TRIM16: variants seen among roughly 807,000 people sequenced by gnomAD.
TRIM16 encodes the protein tripartite motif-containing protein 16.
In TRIM16, 33 loss-of-function variants were observed where a neutral mutation model predicts 50.4. The ratio of observed to expected loss-of-function variants is 0.65; its 90% CI spans 0.50 to 0.88. The LOEUF is 0.88. Among genes scored for constraint, TRIM16 ranks in the 40% least tolerant of loss-of-function variants. TRIM16 has a pLI of 0.00. For synonymous variants in TRIM16, 229 were observed against 270.7 expected (o/e 0.85, Z 1.51); for missense variants, 581 against 686.8 (o/e 0.85, Z 1.72).
Position 15,628,987 on chromosome 17 carries a change from A to C in TRIM16, c.1323T>G (p.Tyr441Ter). The C allele has an allele frequency of 6.2e-7, 1 of 1,612,930 alleles. No individual in the cohort carries two copies. The highest frequency in any genetic ancestry group is 2.2e-5 in the East Asian group (1 of 44,778). The change falls in exon 12 of 12, where the codon TAT becomes TAG. Residue 441 changes from tyrosine (Y) to a stop codon, truncating the protein, a stop_gained. Coordinates refer to ENST00000649191, the MANE Select transcript of TRIM16 (RefSeq NM_001348119.1). LOFTEE classifies it high-confidence loss of function. ...FEVEIFGAGTYVGLTCKGIDR... is the reference protein window; with the variant it reads ...FEVEIFGAGT ...CGATGCCTTTGCAGGTCAGGCCAACATAGGTGCCTGCCCCGAAGATCTCCA... is the reference window on the plus strand; with the variant it reads ...CGATGCCTTTGCAGGTCAGGCCAACCTAGGTGCCTGCCCCGAAGATCTCCA...
chr17:15,666,064 T>C (rs1043205783), intron 6 of TRIM16, among the ~76,000 whole-genome samples: 7 of 152,146 alleles, frequency 4.6e-5, no homozygotes, highest in Non-Finnish European at 1.0e-4. Context: ...CCATTTTACA[T>C]CTCACACATC....
rs544750480 is a variant in TRIM16, at chr17:15,636,868, G to C, written c.616-599C>G. On this transcript the variant is annotated intron_variant, in intron 8 of 11. Coordinates refer to ENST00000649191, the MANE Select transcript of TRIM16 (RefSeq NM_001348119.1). ...TGTGACATTCAAATAAAATATAAAA[G>C]AAAACCCATGTGAGAAACATTAAGG... is the stretch of plus-strand genomic sequence containing the variant. Among the ~76,000 whole-genome samples the C allele has an allele frequency of 3.5e-4, 53 of 149,444 alleles. 6 individuals carry two copies. In the Middle Eastern group the frequency reaches 0.01, roughly 29 times the overall value.
intron 9 of TRIM16, among the ~76,000 whole-genome samples, chr17:15,635,358 T>C (rs1986681834): frequency 6.7e-6 from 1 of 149,008 alleles, no homozygotes; most frequent in Non-Finnish European, 1.5e-5. Flanking sequence ...TTACATGTTC[T>C]TTAGATCTCG....
chr17:15,657,363 A>G (rs1449827933), intron 6 of TRIM16, among the ~76,000 whole-genome samples: 1 of 152,136 alleles, frequency 6.6e-6, no homozygotes, highest in Non-Finnish European at 1.5e-5. Context: ...CCACCTCCCA[A>G]GTAGCTGGGA....
intron 6 of TRIM16, among the ~76,000 whole-genome samples, chr17:15,667,698 A>C (rs1287696219): frequency 6.6e-6 from 1 of 152,044 alleles, no homozygotes. Flanking sequence ...GGTAGATCAA[A>C]CTCTTTTTTA....
intron 8 of TRIM16, among the ~76,000 whole-genome samples, chr17:15,642,326 G>T (rs181580185): frequency 2.0e-5 from 3 of 149,272 alleles, no homozygotes; most frequent in African/African-American, 7.4e-5. Flanking sequence ...CCAGGTCATA[G>T]GACTGGTGAG....
At chr17:15,665,235 G>A (rs1158517857) in intron 6 of TRIM16, among the ~76,000 whole-genome samples, 4 of 152,136 alleles carry the variant, frequency 2.6e-5, no homozygotes, top group East Asian at 1.9e-4. Flanking sequence ...TGTAGAGGCC[G>A]GGCGCAGTGG....
At position 15,680,964 on chromosome 17, in the gene TRIM16, A is replaced by G. The variant is rs1989160153; in HGVS notation, c.-678-11T>C. The G allele has an allele frequency of 6.7e-7, 1 of 1,491,940 alleles. No individual in the cohort carries two copies. Among genetic ancestry groups the G allele is most frequent in the African/African-American group, 1.4e-5 (1 of 70,000 alleles). The allele number at this position is 1,491,940 out of a possible 1,614,324, so 92.4% of individuals were successfully genotyped here. On this transcript the variant is annotated splice_polypyrimidine_tract_variant and intron_variant, in intron 3 of 11. Coordinates refer to ENST00000649191, the MANE Select transcript of TRIM16 (RefSeq NM_001348119.1). The stretch of plus-strand genomic sequence containing the variant: ...CCTCAGAGGGCAGAACTGGAAGGAA[A>G]TTGACATAAAGGAACCTGGTTTATC...
At chr17:15,682,331 T>C (rs1989215247) in intron 3 of TRIM16, among the ~76,000 whole-genome samples, 2 of 152,354 alleles carry the variant, frequency 1.3e-5, no homozygotes, top group Admixed American at 6.5e-5. Context: ...CTCCCTGTAC[T>C]GGACACTGAC....
chr17:15,674,196 C>A (rs1988831554), intron 6 of TRIM16, among the ~76,000 whole-genome samples: 1 of 151,960 alleles, frequency 6.6e-6, no homozygotes, highest in Non-Finnish European at 1.5e-5. Context: ...ATGGTGAAAC[C>A]CTGTCTCTAC....
chr17:15,666,127 T>C (rs573756753), intron 6 of TRIM16, among the ~76,000 whole-genome samples: 103 of 152,346 alleles, frequency 6.8e-4, no homozygotes, highest in Non-Finnish European at 5.4e-4. Flanking sequence ...GTCCAAGCCA[T>C]CATTGTCTCT....
chr17:15,683,575 A>G (rs11653189), intron 1 of TRIM16: 74,505 of 161,068 alleles, frequency 0.46, 17,920 homozygotes, highest in South Asian at 0.55. Flanking sequence ...GATGCCTACT[A>G]TTAATAAAAG....
chr17:15,644,074 T>A (rs1213794529), intron 7 of TRIM16, among the ~76,000 whole-genome samples: 1 of 152,144 alleles, frequency 6.6e-6, no homozygotes, highest in Admixed American at 6.5e-5. Context: ...GGGCAAGGGA[T>A]GTGGGAGGGA....
At chr17:15,675,331 A>G (rs1988881607) in intron 6 of TRIM16, 2 of 157,076 alleles carry the variant, frequency 1.3e-5, no homozygotes, top group Admixed American at 6.5e-5. Context: ...ATTCTTTGGT[A>G]TTTAACCAAA....
At chr17:15,653,356 G>A (rs62070424) in intron 6 of TRIM16, among the ~76,000 whole-genome samples, 32,750 of 152,072 alleles carry the variant, frequency 0.22, 3,681 homozygotes, top group East Asian at 0.31. Context: ...ACCCCCTCAG[G>A]TATTCCTTTA....
chr17:15,641,486 G>A (rs1399475763), intron 8 of TRIM16, among the ~76,000 whole-genome samples: 1 of 148,860 alleles, frequency 6.7e-6, no homozygotes, highest in Admixed American at 6.7e-5. Flanking sequence ...TGGTCATCAT[G>A]TACTTATGAG....
chr17:15,674,267 G>A (rs1988835194), intron 6 of TRIM16, among the ~76,000 whole-genome samples: 1 of 152,006 alleles, frequency 6.6e-6, no homozygotes, highest in Non-Finnish European at 1.5e-5. Context: ...CTACTTGGGA[G>A]GCTGAGGCAG....
intron 6 of TRIM16, among the ~76,000 whole-genome samples, chr17:15,676,932 T>A (rs1597675607): frequency 6.6e-6 from 1 of 152,142 alleles, no homozygotes; most frequent in South Asian, 2.1e-4. Context: ...AATAGCCTCA[T>A]AAAATGCCTC....
intron 4 of TRIM16, among the ~76,000 whole-genome samples, chr17:15,680,543 C>T (rs1182786169): frequency 2.6e-5 from 4 of 152,048 alleles, no homozygotes; most frequent in Non-Finnish European, 2.9e-5. Context: ...CCTCAATTAT[C>T]TGCTAAAGAG....
Sources: allele counts gnomAD v4.1 joint callset (sites outside exome capture counted in the v4.1 genomes callset), GRCh38; gene constraint gnomAD v4.1.1; transcripts MANE v1.5; gene names NCBI Gene and HGNC (gene_info 2026-07-23, HGNC 2026-07-21).